The following GASK1B variants were observed in gnomAD, a reference collection of about 807,000 sequenced individuals.
GASK1B encodes the protein Golgi-associated kinase 1B.
A neutral mutation model predicts 42.8 loss-of-function variants in GASK1B; 34 were observed. The observed-to-expected ratio is 0.79, with a 90% CI of 0.60 to 1.06. The LOEUF (loss-of-function observed/expected upper bound fraction) is 1.06, where lower values mean the gene tolerates loss of function less well. Ranked by LOEUF, GASK1B falls within the 50% of genes least tolerant of loss-of-function variation. The probability of loss-of-function intolerance (pLI) is 0.00; values close to 1 mark genes in which losing one functional copy is unlikely to be tolerated. For missense variants in GASK1B, 686 were observed against 661.0 expected, an observed-to-expected ratio of 1.04 and a Z score of -0.42; for synonymous variants, 262 against 259.1, an observed-to-expected ratio of 1.01 and a Z score of -0.11.
At chr4:158,166,103 G>A (rs1560793295) in intron 2 of GASK1B, among the ~76,000 whole-genome samples, 1 of 152,096 alleles carries the variant, frequency 6.6e-6, no homozygotes, top group Non-Finnish European at 1.5e-5. Context: ...TTATATTGTG[G>A]CACACTGCTG....
At chr4:158,147,119 A>G (rs1487850941) in intron 3 of GASK1B, among the ~76,000 whole-genome samples, 1 of 152,226 alleles carries the variant, frequency 6.6e-6, no homozygotes, top group Non-Finnish European at 1.5e-5. Context: ...ATATCCATCC[A>G]ATACATTCCT....
chr4:158,149,619 C>T (rs1249969724), intron 3 of GASK1B, among the ~76,000 whole-genome samples: 1 of 152,168 alleles, frequency 6.6e-6, no homozygotes, highest in African/African-American at 2.4e-5. Flanking sequence ...ACTTCAGTAT[C>T]TCTGCTTACC....
chr4:158,133,061 T>C (rs1730741758), intron 3 of GASK1B, among the ~76,000 whole-genome samples: 1 of 152,238 alleles, frequency 6.6e-6, no homozygotes, highest in Non-Finnish European at 1.5e-5. Context: ...TCAGTCATTT[T>C]ACGCAGTACC....
rs1442691125 is a variant in GASK1B at position 158,125,900 on chromosome 4, T to A, written c.*1507A>T. ...ATTGTATCAATTAGATCTATAGATT[T>A]TTTTTTTCAAATCTAGCCTCTATTG... On this transcript the variant is annotated 3_prime_UTR_variant, in exon 5 of 5. Transcript: ENST00000585682. The A allele has an allele frequency of 1.3e-5, 2 of 152,128 alleles. No homozygotes were observed. The highest frequency in any genetic ancestry group is 2.9e-5 in the Non-Finnish European group (2 of 68,000). 9.4% of individuals were successfully genotyped at this position (152,128 alleles called of 1,614,324 possible).
At chr4:158,139,601 C>G (rs1014902678) in intron 3 of GASK1B, among the ~76,000 whole-genome samples, 1 of 151,970 alleles carries the variant, frequency 6.6e-6, no homozygotes. Context: ...TTACTGAGGA[C>G]CCCCTAAGAG....
intron 3 of GASK1B, among the ~76,000 whole-genome samples, chr4:158,132,594 A>T (rs4309890): frequency 0.8 from 121,623 of 152,136 alleles, 49,265 homozygotes; most frequent in East Asian, 0.94. Context: ...TTCTCTGTTT[A>T]CTGTATGTAA....
At chr4:158,141,916 GTTTCTTTTTTTTTTTTT>G (rs368189560) in intron 3 of GASK1B, among the ~76,000 whole-genome samples, 1 of 83,522 alleles carries the variant, frequency 1.2e-5, no homozygotes, top group African/African-American at 4.3e-5. Flanking sequence ...CGATGTTGTG[GTTTCTTTTTTTTTTTTT>G]TTTTTTTTTT....
chr4:158,141,597 C>CATTTTT lies in GASK1B; in HGVS notation c.1126-10586_1126-10585insAAAAAT, dbSNP rs1553958620. Among the ~76,000 whole-genome samples the CATTTTT allele has an allele frequency of 1.2e-4, 14 of 113,694 alleles. 6 individuals carry two copies. Among genetic ancestry groups the CATTTTT allele is most frequent in the African/African-American group, 1.0e-4 (3 of 28,906 alleles). The allele number at this position is 113,694 out of a possible 152,430, so 74.6% of individuals were successfully genotyped here. A position where few individuals can be genotyped will look rare whatever the true frequency, so the allele number is the denominator to read the frequency against. On this transcript the variant is annotated intron_variant, in intron 3 of 4. Coordinates refer to ENST00000585682, the MANE Select transcript of GASK1B (RefSeq NM_001128424.2). ...CATAGGTCAGTGCCTTTGTATTTAC[C>CATTTTT]TTTTTTTTTTTTTTTTTTTTTTTTT...
intron 3 of GASK1B, among the ~76,000 whole-genome samples, chr4:158,147,525 GCTGGGAGA>G (rs1731375861): frequency 6.6e-6 from 1 of 151,364 alleles, no homozygotes. Flanking sequence ...GATCACTTGA[GCTGGGAGA>G]CTGAGGCTGC....
In GASK1B at chr4:158,127,212, G is replaced by A. The variant is rs186345206; in HGVS notation, c.*195C>T. 3.5e-5 allele frequency: 15 copies of A among 429,908 alleles called. No individual in the cohort carries two copies. Among genetic ancestry groups the A allele is most frequent in the East Asian group, 2.1e-4 (6 of 27,932 alleles). The allele number at this position is 429,908 out of a possible 1,614,324, so 26.6% of individuals were successfully genotyped here. ...AATATAAACAAATATTTCTCAAGTA[G>A]TTTGTTTTTCAAAACCTTTTTAAGT... On this transcript the variant is annotated 3_prime_UTR_variant, in exon 5 of 5. Transcript: ENST00000585682.
chr4:158,141,920 C>CTTT (rs36207959), intron 3 of GASK1B, among the ~76,000 whole-genome samples: 53 of 47,622 alleles, frequency 1.1e-3, no homozygotes, highest in African/African-American at 2.2e-3. Context: ...GTTGTGGTTT[C>CTTT]TTTTTTTTTT....
At chr4:158,161,067 C>T (rs1210504161) in intron 2 of GASK1B, among the ~76,000 whole-genome samples, 1 of 151,418 alleles carries the variant, frequency 6.6e-6, no homozygotes, top group Non-Finnish European at 1.5e-5. Flanking sequence ...AATAATATAA[C>T]GTATATATCA....
intron 2 of GASK1B, among the ~76,000 whole-genome samples, chr4:158,166,243 C>T (rs1732225992): frequency 6.6e-6 from 1 of 152,192 alleles, no homozygotes; most frequent in Admixed American, 6.5e-5. Context: ...CCACTAATTT[C>T]ACACATCTTT....
At chr4:158,162,416 A>T (rs1221348952) in intron 2 of GASK1B, among the ~76,000 whole-genome samples, 2 of 152,120 alleles carry the variant, frequency 1.3e-5, no homozygotes, top group African/African-American at 2.4e-5. Flanking sequence ...TTCTGAGTGC[A>T]TTTTTTCAGA....
At position 158,127,527 on chromosome 4, in the gene GASK1B, C is replaced by T. The variant is rs533432929; in HGVS notation, c.1440G>A (p.Trp480Ter). 10 of 1,613,636 alleles carry T rather than the reference C, an allele frequency of 6.2e-6. No individual in the cohort carries two copies. In the South Asian group the frequency reaches 1.1e-4, roughly 18 times the overall value. ...TTCCTTGTCTACCTCCTTGACTTTCCCAATACACTTTATCAAGAAACAGAG... is the reference window on the plus strand; with the variant it reads ...TTCCTTGTCTACCTCCTTGACTTTCTCAATACACTTTATCAAGAAACAGAG... ...LQSLFLDKVYWESQGGRQGIE... is the reference protein window; with the variant it reads ...LQSLFLDKVY The change falls in exon 5 of 5, where the codon TGG becomes TGA. Residue 480 changes from tryptophan (W) to a stop codon, truncating the protein, a stop_gained. Coordinates refer to ENST00000585682, the MANE Select transcript of GASK1B (RefSeq NM_001128424.2). LOFTEE classifies it high-confidence loss of function.
intron 3 of GASK1B, among the ~76,000 whole-genome samples, chr4:158,151,665 A>ACAC (rs1173340149): frequency 6.9e-5 from 3 of 43,298 alleles, no homozygotes; most frequent in Non-Finnish European, 1.7e-4. Flanking sequence ...GCTACTATGA[A>ACAC]CACCTTTACA....
At position 158,124,664 on chromosome 4, in the gene GASK1B, G is replaced by A. The variant is rs1193841414; in HGVS notation, c.*2743C>T. The stretch of plus-strand genomic sequence containing the variant: ...TGGCACAGTAGAATAAACAGGCTAT[G>A]ATTACAAGTCCAAAGATTACAAATA... On this transcript the variant is annotated 3_prime_UTR_variant, in exon 5 of 5. Coordinates refer to ENST00000585682, the MANE Select transcript of GASK1B (RefSeq NM_001128424.2). 2.0e-5 allele frequency: 3 copies of A among 152,082 alleles called. No individual in the cohort carries two copies. Among genetic ancestry groups the A allele is most frequent in the African/African-American group, 7.2e-5 (3 of 41,426 alleles). The allele number at this position is 152,082 out of a possible 1,614,324, so 9.4% of individuals were successfully genotyped here. A position where few individuals can be genotyped will look rare whatever the true frequency, so the allele number is the denominator to read the frequency against.
intron 2 of GASK1B, among the ~76,000 whole-genome samples, chr4:158,160,604 C>T (rs987172495): frequency 6.6e-6 from 1 of 152,148 alleles, no homozygotes; most frequent in Non-Finnish European, 1.5e-5. Flanking sequence ...TTCTGGGTAT[C>T]TATCCAAAGG....
In GASK1B at chr4:158,170,504, G is replaced by T; in HGVS notation, c.872C>A (p.Thr291Asn). 2 of 1,614,250 alleles carry T rather than the reference G, an allele frequency of 1.2e-6. No homozygotes were observed. Among genetic ancestry groups the T allele is most frequent in the Non-Finnish European group, 8.5e-7 (1 of 1,180,044 alleles). ...HLDRILGLNR[T>N]LPSVSRKAEF... is the part of the protein sequence containing the mutation. Reference sequence around the variant, plus strand: ...TGCTTTCCTGCTCACAGACGGCAGGGTCCTGTTGAGCCCCAGGATCCTGTC... The same window carrying T: ...TGCTTTCCTGCTCACAGACGGCAGGTTCCTGTTGAGCCCCAGGATCCTGTC... Residue 291 changes from threonine to asparagine, a missense_variant, in exon 2 of 5, where the codon ACC becomes AAC. Transcript: ENST00000585682.
Sources: gnomAD v4.1 joint callset for allele counts (sites outside exome capture counted in the v4.1 genomes callset) on GRCh38, gnomAD v4.1.1 for gene constraint, MANE v1.5 for transcripts, NCBI Gene and HGNC (gene_info 2026-07-23, HGNC 2026-07-21) for gene names.